Variants in GRIP1 observed in about 807,000 individuals in gnomAD.
GRIP1 encodes the protein glutamate receptor-interacting protein 1.
Under a neutral mutation model 129.9 loss-of-function variants are expected in GRIP1, and 45 were observed. That is an observed-to-expected ratio of 0.35 (90% CI 0.27 to 0.44). The LOEUF (loss-of-function observed/expected upper bound fraction) is 0.44, where lower values mean the gene tolerates loss of function less well. GRIP1 is among the 20% of genes least tolerant of loss of function. The probability of loss-of-function intolerance (pLI) is 1.00; values close to 1 mark genes in which losing one functional copy is unlikely to be tolerated. For synonymous variants in GRIP1, 530 were observed against 520.8 expected, an observed-to-expected ratio of 1.02 and a Z score of -0.24; for missense variants, 1,196 against 1,396.8, an observed-to-expected ratio of 0.86 and a Z score of 2.29.
intron 1 of GRIP1, among the ~76,000 whole-genome samples, chr12:66,888,288 T>TA (rs2040599803): frequency 6.6e-6 from 1 of 151,942 alleles, no homozygotes; most frequent in Non-Finnish European, 1.5e-5. Context: ...CTCAAACTCT[T>TA]AGACTCAAGC....
At chr12:66,836,651 A>G (rs2039619597) in intron 1 of GRIP1, among the ~76,000 whole-genome samples, 1 of 152,236 alleles carries the variant, frequency 6.6e-6, no homozygotes, top group Non-Finnish European at 1.5e-5. Context: ...TACCTTCACT[A>G]GAAGGATGAA....
chr12:66,970,594 C>A (rs892550973), intron 1 of GRIP1, among the ~76,000 whole-genome samples: 1 of 134,294 alleles, frequency 7.4e-6, no homozygotes, highest in African/African-American at 2.8e-5. Context: ...TCCTGAGACC[C>A]CCTCTCCTTG....
intron 2 of GRIP1, among the ~76,000 whole-genome samples, chr12:66,584,707 AGGCAGGGTTTGTAAGAAGGAAGAGG>A (rs376350957): frequency 0.014 from 2,168 of 152,180 alleles, 59 homozygotes; most frequent in African/African-American, 0.05. Context: ...TAATTTGAGG[AGGCAGGGTTTGTAAGAAGGAAGAGG>A]GGTCTATTAG....
intron 1 of GRIP1, among the ~76,000 whole-genome samples, chr12:66,867,907 C>T (rs980341435): frequency 1.3e-5 from 2 of 152,008 alleles, no homozygotes; most frequent in East Asian, 1.9e-4. Context: ...TATAGAAAGA[C>T]GTGCAGAAAA....
chr12:66,815,881 T>TCTCTCTCTCTC (rs770744985), intron 1 of GRIP1, among the ~76,000 whole-genome samples: 1 of 150,222 alleles, frequency 6.7e-6, no homozygotes, highest in Non-Finnish European at 1.5e-5. Flanking sequence ...TCTCTCTCTC[T>TCTCTCTCTCTC]TTCTTTCTTT....
chr12:66,702,452 G>C (rs2035382193), intron 1 of GRIP1, among the ~76,000 whole-genome samples: 1 of 152,070 alleles, frequency 6.6e-6, no homozygotes, highest in Non-Finnish European at 1.5e-5. Context: ...CAAGGTAATA[G>C]TTTTTTGATT....
At chr12:66,914,965 CA>C (rs1349415046) in intron 1 of GRIP1, among the ~76,000 whole-genome samples, 4 of 151,950 alleles carry the variant, frequency 2.6e-5, no homozygotes. Flanking sequence ...CCTCCCCTCG[CA>C]AAAAAGACTA....
intron 1 of GRIP1, among the ~76,000 whole-genome samples, chr12:66,664,616 AT>A (rs1484832744): frequency 6.6e-6 from 1 of 152,158 alleles, no homozygotes; most frequent in African/African-American, 2.4e-5. Flanking sequence ...TGTCTTTTAT[AT>A]TATAATTGGG....
intron 1 of GRIP1, among the ~76,000 whole-genome samples, chr12:66,918,686 C>T: frequency 6.6e-6 from 1 of 152,182 alleles, no homozygotes; most frequent in Non-Finnish European, 1.5e-5. Flanking sequence ...TTCTTTCTCA[C>T]ATTTACAAGA....
At chr12:66,735,365 T>C (rs1230991616) in intron 1 of GRIP1, among the ~76,000 whole-genome samples, 2 of 151,738 alleles carry the variant, frequency 1.3e-5, no homozygotes, top group Admixed American at 6.6e-5. Context: ...AGATAAAGAG[T>C]AATTCTGGAG....
At chr12:66,829,460 G>A (rs1049684186) in intron 1 of GRIP1, among the ~76,000 whole-genome samples, 2 of 152,116 alleles carry the variant, frequency 1.3e-5, no homozygotes, top group African/African-American at 4.8e-5. Context: ...TAAAATTTGT[G>A]TTATTTTAAG....
At chr12:66,614,518 A>G (rs1055199852) in intron 1 of GRIP1, among the ~76,000 whole-genome samples, 1 of 151,960 alleles carries the variant, frequency 6.6e-6, no homozygotes, top group Non-Finnish European at 1.5e-5. Flanking sequence ...CTCACCACTT[A>G]CACTGTTACC....
At chr12:67,019,248 A>G (rs2042831107) in intron 1 of GRIP1, among the ~76,000 whole-genome samples, 1 of 152,214 alleles carries the variant, frequency 6.6e-6, no homozygotes, top group Non-Finnish European at 1.5e-5. Flanking sequence ...AGAAACAGGC[A>G]GTCCAAGAAT....
chr12:66,468,678 A>AT (rs1362817535), intron 7 of GRIP1, among the ~76,000 whole-genome samples: 2 of 48,224 alleles, frequency 4.1e-5, no homozygotes, highest in East Asian at 7.9e-4. Flanking sequence ...CCCTTAAGTT[A>AT]GTTTTTTTTT....
At chr12:66,896,310 T>G (rs1266214449) in intron 1 of GRIP1, among the ~76,000 whole-genome samples, 1 of 151,952 alleles carries the variant, frequency 6.6e-6, no homozygotes, top group Admixed American at 6.6e-5. Flanking sequence ...CTGTTATACC[T>G]AAAAATGCCT....
chr12:66,836,900 C>T (rs1045851947), intron 1 of GRIP1, among the ~76,000 whole-genome samples: 2 of 152,190 alleles, frequency 1.3e-5, no homozygotes, highest in African/African-American at 4.8e-5. Context: ...CAAAGAAGCA[C>T]ACCTCTCTTT....
At chr12:66,979,628 C>T (rs2042215152) in intron 1 of GRIP1, among the ~76,000 whole-genome samples, 1 of 152,088 alleles carries the variant, frequency 6.6e-6, no homozygotes, top group African/African-American at 2.4e-5. Flanking sequence ...AAGACGCATA[C>T]CTGTATCTAT....
chr12:66,712,628 T>C (rs1322176194), intron 1 of GRIP1, among the ~76,000 whole-genome samples: 1 of 152,016 alleles, frequency 6.6e-6, no homozygotes, highest in Non-Finnish European at 1.5e-5. Context: ...TGAGCAATAA[T>C]AGTGTTTGTG....
chr12:66,964,423 C>T (rs1362675508), intron 1 of GRIP1, among the ~76,000 whole-genome samples: 1 of 151,956 alleles, frequency 6.6e-6, no homozygotes, highest in East Asian at 1.9e-4. Flanking sequence ...TGCCCTAATG[C>T]CTAATCTCAC....
Sources: gnomAD v4.1 joint callset for allele counts (sites outside exome capture counted in the v4.1 genomes callset) on GRCh38, gnomAD v4.1.1 for gene constraint, MANE v1.5 for transcripts, NCBI Gene and HGNC (gene_info 2026-07-23, HGNC 2026-07-21) for gene names.